NTNG1: variants seen among roughly 807,000 people sequenced by gnomAD.
NTNG1 encodes the protein netrin G1, also known as netrin-G1.
Under a neutral mutation model 54.0 loss-of-function variants are expected in NTNG1, and 16 were observed. The observed-to-expected ratio is 0.30, with a 90% CI of 0.20 to 0.45. The LOEUF is 0.45. Among genes scored for constraint, NTNG1 ranks in the 20% least tolerant of loss-of-function variants. NTNG1 has a pLI of 1.00. For missense variants in NTNG1, 530 were observed against 678.7 expected, an observed-to-expected ratio of 0.78 and a Z score of 2.43; for synonymous variants, 255 against 263.1, an observed-to-expected ratio of 0.97 and a Z score of 0.30.
intron 7 of NTNG1, among the ~76,000 whole-genome samples, chr1:107,470,052 A>G (rs1388828935): frequency 2.6e-5 from 4 of 152,292 alleles, no homozygotes; most frequent in African/African-American, 4.8e-5. Context: ...CCTTTAGCTC[A>G]GGAAGCTCTG....
intron 3 of NTNG1, among the ~76,000 whole-genome samples, chr1:107,360,107 C>A (rs1192660708): frequency 6.6e-6 from 1 of 152,206 alleles, no homozygotes; most frequent in Non-Finnish European, 1.5e-5. Flanking sequence ...AACCGACCAA[C>A]CCTTTGGTCT....
At chr1:107,389,915 A>G (rs773878381) in intron 3 of NTNG1, among the ~76,000 whole-genome samples, 57 of 152,214 alleles carry the variant, frequency 3.7e-4, no homozygotes, top group Non-Finnish European at 7.9e-4. Context: ...TGGATAATGA[A>G]TCTGTCAGAG....
chr1:107,327,769 G>A (rs1475794524), intron 3 of NTNG1, among the ~76,000 whole-genome samples: 2 of 152,112 alleles, frequency 1.3e-5, no homozygotes, highest in African/African-American at 4.8e-5. Flanking sequence ...GAGACCAGAT[G>A]TAAACATCTA....
chr1:107,307,822 G>A (rs1245757130), intron 2 of NTNG1, among the ~76,000 whole-genome samples: 6 of 151,898 alleles, frequency 4.0e-5, no homozygotes, highest in African/African-American at 7.3e-5. Flanking sequence ...TCACTTCTAC[G>A]TAAGCTGTTT....
intron 2 of NTNG1, among the ~76,000 whole-genome samples, chr1:107,244,983 A>G (rs1227800031): frequency 1.3e-5 from 2 of 152,228 alleles, no homozygotes; most frequent in African/African-American, 4.8e-5. Flanking sequence ...TGATAGAGCC[A>G]TAGCCAGGTG....
intron 3 of NTNG1, among the ~76,000 whole-genome samples, chr1:107,366,185 A>G (rs1008620379): frequency 6.6e-6 from 1 of 152,174 alleles, no homozygotes; most frequent in Non-Finnish European, 1.5e-5. Flanking sequence ...AGGTAATTTA[A>G]TCTCCACAAT....
intron 2 of NTNG1, among the ~76,000 whole-genome samples, chr1:107,273,644 T>A (rs2101699058): frequency 6.6e-6 from 1 of 152,306 alleles, no homozygotes; most frequent in Admixed American, 6.5e-5. Context: ...AAGGAATGAA[T>A]GAAGCTTTTT....
chr1:107,161,145 C>T (rs2101054417), intron 2 of NTNG1, among the ~76,000 whole-genome samples: 1 of 152,130 alleles, frequency 6.6e-6, no homozygotes, highest in African/African-American at 2.4e-5. Context: ...ATAGTAGAGC[C>T]CCATAAACAT....
At chr1:107,368,247 C>T (rs1488094693) in intron 3 of NTNG1, among the ~76,000 whole-genome samples, 1 of 151,934 alleles carries the variant, frequency 6.6e-6, no homozygotes, top group Non-Finnish European at 1.5e-5. Flanking sequence ...TTTTCCTTCT[C>T]CCCCAACATG....
At chr1:107,281,353 G>T (rs1355672399) in intron 2 of NTNG1, among the ~76,000 whole-genome samples, 1 of 150,656 alleles carries the variant, frequency 6.6e-6, no homozygotes, top group Non-Finnish European at 1.5e-5. Context: ...ATTTAGCAGG[G>T]ATTTTTTTTT....
At position 107,324,939 on chromosome 1, in the gene NTNG1, C is replaced by G; in HGVS notation, c.887+17C>G. The G allele has an allele frequency of 1.3e-6, 2 of 1,595,480 alleles. No homozygotes were observed. Among genetic ancestry groups the G allele is most frequent in the South Asian group, 2.3e-5 (2 of 88,540 alleles). On this transcript the variant is annotated intron_variant, in intron 3 of 7. Coordinates refer to ENST00000370068, the MANE Select transcript of NTNG1 (RefSeq NM_001113226.3). ...GCGAGGAAGGTAAGAGAAAATCTGT[C>G]TGCCTTCAATGGGAACGGGTGTGTC...
intron 5 of NTNG1, among the ~76,000 whole-genome samples, chr1:107,427,146 C>T (rs1674963538): frequency 6.6e-6 from 1 of 152,082 alleles, no homozygotes; most frequent in Admixed American, 6.6e-5. Context: ...TTGATTTCCT[C>T]TTTTCCAATT....
chr1:107,286,995 CTT>C (rs1665241630), intron 2 of NTNG1, among the ~76,000 whole-genome samples: 1 of 152,100 alleles, frequency 6.6e-6, no homozygotes, highest in South Asian at 2.1e-4. Context: ...TTTATAAAAA[CTT>C]TGTAAATCAT....
chr1:107,440,151 C>G (rs1178422665), intron 7 of NTNG1, among the ~76,000 whole-genome samples: 1 of 151,954 alleles, frequency 6.6e-6, no homozygotes, highest in Non-Finnish European at 1.5e-5. Flanking sequence ...TAGGCACTGC[C>G]AGGGAGGCAG....
At chr1:107,224,948 TC>T (rs1419330844) in intron 2 of NTNG1, among the ~76,000 whole-genome samples, 1 of 152,162 alleles carries the variant, frequency 6.6e-6, no homozygotes, top group Non-Finnish European at 1.5e-5. Flanking sequence ...AAAAGTCACT[TC>T]CTTTATAAGG....
intron 2 of NTNG1, among the ~76,000 whole-genome samples, chr1:107,282,516 G>A (rs1323729186): frequency 6.6e-6 from 1 of 152,080 alleles, no homozygotes; most frequent in Non-Finnish European, 1.5e-5. Flanking sequence ...TACTGAGAAG[G>A]TACTACCTCC....
chr1:107,148,359 A>G lies in NTNG1; in HGVS notation c.-235A>G. Reference sequence around the variant, plus strand: ...AGTTGTTAACGCCTAACACACAAGTATGTTAGGCTTCCACCAAAGTCCTCA... The same window carrying G: ...AGTTGTTAACGCCTAACACACAAGTGTGTTAGGCTTCCACCAAAGTCCTCA... On this transcript the variant is annotated 5_prime_UTR_variant, in exon 2 of 8. The change abolishes an upstream ATG in the 5' untranslated region. Coordinates refer to ENST00000370068, the MANE Select transcript of NTNG1 (RefSeq NM_001113226.3). 1 of 479,116 alleles carries G rather than the reference A, an allele frequency of 2.1e-6. No homozygotes were observed. Among genetic ancestry groups the G allele is most frequent in the South Asian group, 3.1e-5 (1 of 32,708 alleles). 29.7% of individuals were successfully genotyped at this position (479,116 alleles called of 1,614,324 possible).
At chr1:107,395,865 C>T (rs1051048284) in intron 4 of NTNG1, among the ~76,000 whole-genome samples, 4 of 152,126 alleles carry the variant, frequency 2.6e-5, no homozygotes, top group Non-Finnish European at 4.4e-5. Context: ...TGCTTTGGAT[C>T]CTGTGTGTAG....
At chr1:107,383,664 G>A (rs186254575) in intron 3 of NTNG1, among the ~76,000 whole-genome samples, 22 of 152,302 alleles carry the variant, frequency 1.4e-4, no homozygotes, top group African/African-American at 5.3e-4. Flanking sequence ...GAAGGAAGCT[G>A]AGACTCAGTT....
Sources: gnomAD v4.1 joint callset for allele counts (sites outside exome capture counted in the v4.1 genomes callset) on GRCh38, gnomAD v4.1.1 for gene constraint, MANE v1.5 for transcripts, NCBI Gene and HGNC (gene_info 2026-07-23, HGNC 2026-07-21) for gene names.